The following VCAN variants were observed in gnomAD, a reference collection of about 807,000 sequenced individuals.
The protein encoded by VCAN is versican core protein.
A neutral mutation model predicts 245.5 loss-of-function variants in VCAN; 44 were observed. The ratio of observed to expected loss-of-function variants is 0.18; its 90% CI spans 0.14 to 0.23. VCAN has a LOEUF of 0.23. Ranked by LOEUF, VCAN falls within the 10% of genes least tolerant of loss-of-function variation. VCAN has a pLI of 1.00. For synonymous variants in VCAN, 1,413 were observed against 1,437.0 expected, an observed-to-expected ratio of 0.98 and a Z score of 0.38; for missense variants, 3,793 against 4,057.9, an observed-to-expected ratio of 0.93 and a Z score of 1.77.
At chr5:83,549,943 G>A (rs964325918) in intron 10 of VCAN, among the ~76,000 whole-genome samples, 3 of 152,158 alleles carry the variant, frequency 2.0e-5, no homozygotes, top group African/African-American at 7.2e-5. Context: ...GGTGATGACC[G>A]TGTCAGTGTT....
intron 7 of VCAN, chr5:83,531,206 A>G (rs1030706797): frequency 6.6e-6 from 1 of 152,198 alleles, no homozygotes; most frequent in Admixed American, 6.5e-5. Flanking sequence ...TTCAGTATCT[A>G]TGTCTATGAA....
In VCAN at chr5:83,522,103, T is replaced by C. The variant is rs768585740; in HGVS notation, c.3797T>C (p.Ile1266Thr). 3.1e-6 allele frequency: 5 copies of C among 1,614,048 alleles called. No homozygotes were observed. Among genetic ancestry groups the C allele is most frequent in the Non-Finnish European group, 3.4e-6 (4 of 1,180,044 alleles). ...SHVPPTTLED[I>T]VAKETETDID... Reference sequence around the variant, plus strand: ...GTTCCTCCCACTACCCTTGAAGATATTGTAGCCAAGGAAACAGAAACCGAT... The same window carrying C: ...GTTCCTCCCACTACCCTTGAAGATACTGTAGCCAAGGAAACAGAAACCGAT... Residue 1266 changes from isoleucine (I) to threonine (T), a missense_variant, in exon 7 of 15, where the codon ATT becomes ACT. This residue lies in a region of VCAN where 3,182 missense variants were observed against 3,250.3 expected (regional missense o/e 0.98). Coordinates refer to ENST00000265077, the MANE Select transcript of VCAN (RefSeq NM_004385.5).
intron 7 of VCAN, among the ~76,000 whole-genome samples, chr5:83,529,250 G>A (rs1196210600): frequency 2.0e-5 from 3 of 149,310 alleles, no homozygotes; most frequent in Non-Finnish European, 4.4e-5. Flanking sequence ...AGAGACCTGG[G>A]TTCACTGTCA....
At chr5:83,551,602 GT>G (rs1483065977) in intron 10 of VCAN, among the ~76,000 whole-genome samples, 28 of 152,168 alleles carry the variant, frequency 1.8e-4, no homozygotes, top group African/African-American at 6.7e-4. Flanking sequence ...ATGTAGAAAA[GT>G]TTTTTCTGAT....
Position 83,537,894 on chromosome 5 carries a change from T to C in VCAN, c.4891T>C (p.Ser1631Pro), listed in dbSNP as rs1231457801. 2 of 1,613,972 alleles carry C rather than the reference T, an allele frequency of 1.2e-6. No homozygotes were observed. The highest frequency in any genetic ancestry group is 1.7e-5 in the Admixed American group (1 of 59,956). Reference protein sequence around the residue: ...EATPRQVVELSGSSSIPITEG... With the variant: ...EATPRQVVELPGSSSIPITEG... The stretch of plus-strand genomic sequence containing the variant: ...AACTCCTAGACAAGTTGTAGAGCTC[T>C]CAGGGAGTTCTTCGATTCCAATTAC... The change falls in exon 8 of 15, where the codon TCA becomes CCA. Residue 1631 changes from serine (S) to proline (P), a missense_variant. Ser to Pro is a moderately conservative substitution (Grantham distance 74). This residue lies in a region of VCAN where 3,182 missense variants were observed against 3,250.3 expected (regional missense o/e 0.98). Transcript: ENST00000265077.
chr5:83,480,453 G>A (rs1744575168), intron 1 of VCAN, among the ~76,000 whole-genome samples: 1 of 152,110 alleles, frequency 6.6e-6, no homozygotes. Context: ...ATTGGGTCAT[G>A]GTAAATCTTC....
chr5:83,531,679 G>A (rs1746527979), intron 7 of VCAN, among the ~76,000 whole-genome samples: 1 of 152,114 alleles, frequency 6.6e-6, no homozygotes, highest in Non-Finnish European at 1.5e-5. Context: ...ATTCCCCAAA[G>A]AGAACGTGAA....
chr5:83,488,557 T>C (rs985745319), intron 2 of VCAN, among the ~76,000 whole-genome samples: 4 of 152,224 alleles, frequency 2.6e-5, no homozygotes, highest in African/African-American at 9.6e-5. Context: ...AGTTAGAGAA[T>C]TTACTTTGTA....
chr5:83,567,559 C>T (rs900789153), intron 12 of VCAN, among the ~76,000 whole-genome samples: 6 of 152,186 alleles, frequency 3.9e-5, no homozygotes, highest in African/African-American at 1.4e-4. Context: ...CTCAGCCTCC[C>T]AAAGTGCTGG....
At chr5:83,560,700 C>T (rs309587) in intron 12 of VCAN, among the ~76,000 whole-genome samples, 104,656 of 152,072 alleles carry the variant, frequency 0.69, 36,530 homozygotes, top group Admixed American at 0.77. Context: ...TTCTGTCTGA[C>T]AAACCTCTCC....
chr5:83,493,423 A>C, intron 3 of VCAN, 123 bp from the exon 4 acceptor site: 1 of 1,281,812 alleles, frequency 7.8e-7, no homozygotes, highest in Non-Finnish European at 1.1e-6. Context: ...GTAAAAGTAA[A>C]TAATTATTAT....
chr5:83,472,619 G>A (rs1185454790), intron 1 of VCAN, among the ~76,000 whole-genome samples: 2 of 152,166 alleles, frequency 1.3e-5, no homozygotes, highest in African/African-American at 2.4e-5. Context: ...GACCCCTTCA[G>A]ACCGCAGGCA....
intron 2 of VCAN, 58 bp downstream of exon 2, chr5:83,483,646 G>T: frequency 1.4e-6 from 2 of 1,472,248 alleles, no homozygotes; most frequent in Non-Finnish European, 9.5e-7. Flanking sequence ...AGTGCTGGAG[G>T]ATGAAATGGC....
intron 11 of VCAN, 82 bp from the exon 12 acceptor site, chr5:83,554,874 G>A: frequency 7.6e-7 from 1 of 1,317,238 alleles, no homozygotes; most frequent in Non-Finnish European, 1.1e-6. Context: ...CATGATTCAT[G>A]CTGAAAATAA....
chr5:83,477,022 G>A (rs1405807274), intron 1 of VCAN, among the ~76,000 whole-genome samples: 1 of 151,800 alleles, frequency 6.6e-6, no homozygotes, highest in Non-Finnish European at 1.5e-5. Context: ...TATTACTTGA[G>A]GTATAGTGGA....
chr5:83,510,255 A>G lies in VCAN; in HGVS notation c.749-1848A>G, dbSNP rs251125. Among the ~76,000 whole-genome samples the G allele has an allele frequency of 0.015, 2,260 of 152,324 alleles. 139 individuals are homozygous for G. The East Asian group carries it at 0.2, about 13-fold the overall frequency. ...CATTGAAATTTGGCCTACTTTCCTCAATAGCAATTTTAGATATATAGTGAG... is the reference window on the plus strand; with the variant it reads ...CATTGAAATTTGGCCTACTTTCCTCGATAGCAATTTTAGATATATAGTGAG... On this transcript the variant is annotated intron_variant, in intron 5 of 14. Transcript: ENST00000265077.
chr5:83,536,865 A>C, intron 7 of VCAN, 142 bp from the exon 8 acceptor site: 1 of 658,524 alleles, frequency 1.5e-6, no homozygotes, highest in South Asian at 2.3e-5. Context: ...TGAGAACCAT[A>C]TAAGAGGGTG....
At position 83,490,151 on chromosome 5, in the gene VCAN, C is replaced by T. The variant is rs1279795890; in HGVS notation, c.124C>T (p.Leu42=). The T allele has an allele frequency of 1.9e-6, 3 of 1,614,012 alleles. No individual in the cohort carries two copies. Among genetic ancestry groups the T allele is most frequent in the Admixed American group, 1.7e-5 (1 of 59,998 alleles). Residue 42 remains leucine (L), a synonymous_variant, in exon 3 of 15, where the codon CTA becomes TTA. Coordinates refer to ENST00000265077, the MANE Select transcript of VCAN (RefSeq NM_004385.5). ...GGGCTCCCTCTCTGGAAAAGTCAGC[C>T]TACCTTGTCATTTTTCAACGATGCC... ...VRGSLSGKVS[L]PCHFSTMPTL...
chr5:83,534,912 A>C (rs80229357), intron 7 of VCAN, among the ~76,000 whole-genome samples: 1 of 151,354 alleles, frequency 6.6e-6, no homozygotes, highest in Non-Finnish European at 1.5e-5. Flanking sequence ...GGATGTTATC[A>C]TCTGAATATT....
Sources: allele counts gnomAD v4.1 joint callset (sites outside exome capture counted in the v4.1 genomes callset), GRCh38; gene constraint gnomAD v4.1.1; regional missense constraint gnomAD v4.1.1; transcripts MANE v1.5; gene names NCBI Gene and HGNC (gene_info 2026-07-23, HGNC 2026-07-21).